The following PGM1 variants were observed in gnomAD, a reference collection of about 807,000 sequenced individuals.
PGM1 encodes the protein phosphoglucomutase-1.
In PGM1, 52 loss-of-function variants were observed where a neutral mutation model predicts 55.6. That is an observed-to-expected ratio of 0.94 (90% CI 0.75 to 1.18). The LOEUF is 1.18. Among genes scored for constraint, PGM1 ranks in the 50% most tolerant of loss-of-function variants. The probability of loss-of-function intolerance (pLI) is 0.00; values close to 1 mark genes in which losing one functional copy is unlikely to be tolerated. For missense variants in PGM1, 724 were observed against 729.3 expected (o/e 0.99, Z 0.08); for synonymous variants, 287 against 271.7 (o/e 1.06, Z -0.55).
Position 63,604,959 on chromosome 1 carries a change from G to GTT in PGM1, c.246+11226_246+11227insTT, listed in dbSNP as rs58900430. 8.6e-3 allele frequency among the ~76,000 whole-genome samples: 1,155 copies of GTT among 134,278 alleles called. 22 individuals carry two copies. The highest frequency in any genetic ancestry group is 0.03 in the African/African-American group (960 of 32,270). The allele number at this position is 134,278 out of a possible 152,430, so 88.1% of individuals were successfully genotyped here. On this transcript the variant is annotated intron_variant, in intron 1 of 10. Coordinates refer to ENST00000371084, the MANE Select transcript of PGM1 (RefSeq NM_002633.3). ...TGTGTGTGTGTGTGTGTGTGTGTGT[G>GTT]TAAAGAGAGGGGATATAGTTGTATA...
At chr1:63,617,291 C>A (rs1266533879) in intron 1 of PGM1, among the ~76,000 whole-genome samples, 2 of 152,086 alleles carry the variant, frequency 1.3e-5, no homozygotes, top group Non-Finnish European at 2.9e-5. Context: ...TACTACGGAG[C>A]CCTGGTCAGC....
At chr1:63,623,232 C>A in intron 1 of PGM1, 1 of 1,376,412 alleles carries the variant, frequency 7.3e-7, no homozygotes, top group Non-Finnish European at 9.4e-7. Context: ...ACTTTGAAGA[C>A]CTGCTTTGTG....
At chr1:63,614,197 C>G (rs1449700784) in intron 1 of PGM1, among the ~76,000 whole-genome samples, 2 of 152,160 alleles carry the variant, frequency 1.3e-5, no homozygotes, top group Non-Finnish European at 2.9e-5. Flanking sequence ...TTCTGTTTTA[C>G]AGATGCAGAA....
At chr1:63,634,718 T>C (rs1283050214) in intron 4 of PGM1, 111 bp from the exon 5 acceptor site, 1 of 846,800 alleles carries the variant, frequency 1.2e-6, no homozygotes, top group African/African-American at 1.7e-5. Flanking sequence ...TCCTGTTGTT[T>C]CTCATGCCAT....
chr1:63,658,822 G>T (rs550432643), intron 10 of PGM1, among the ~76,000 whole-genome samples: 1 of 151,996 alleles, frequency 6.6e-6, no homozygotes, highest in Non-Finnish European at 1.5e-5. Flanking sequence ...CCTGAGACTG[G>T]GCAATTTACA....
intron 7 of PGM1, among the ~76,000 whole-genome samples, chr1:63,640,738 C>A (rs1649493286): frequency 6.6e-6 from 1 of 152,126 alleles, no homozygotes; most frequent in Non-Finnish European, 1.5e-5. Context: ...ATACAAGAAG[C>A]AGCTCTCAGG....
intron 7 of PGM1, among the ~76,000 whole-genome samples, chr1:63,641,460 T>TGC (rs1289173925): frequency 6.6e-6 from 1 of 152,216 alleles, no homozygotes; most frequent in Non-Finnish European, 1.5e-5. Context: ...CCACGCCCCT[T>TGC]GCTAGTGAAT....
intron 6 of PGM1, among the ~76,000 whole-genome samples, chr1:63,636,742 A>AAC (rs368631554): frequency 2.6e-4 from 40 of 152,016 alleles, no homozygotes; most frequent in African/African-American, 5.8e-4. Flanking sequence ...TAGTAGGACA[A>AAC]ACACACACAC....
In PGM1 at chr1:63,594,591, C is replaced by T. The variant is rs12080496; in HGVS notation, c.246+857C>T. ...AGGAAAGTTAACTGACTTGATTGGG[C>T]GGGTCCACTCGGATAGGGGAAATTA... On this transcript the variant is annotated intron_variant, in intron 1 of 10. Transcript: ENST00000371084. 3.4e-3 allele frequency among the ~76,000 whole-genome samples: 506 copies of T among 150,786 alleles called. 3 individuals are homozygous for T. The highest frequency in any genetic ancestry group is 4.7e-3 in the Non-Finnish European group (322 of 67,848).
chr1:63,596,320 G>C (rs575431516), intron 1 of PGM1, among the ~76,000 whole-genome samples: 1 of 141,640 alleles, frequency 7.1e-6, no homozygotes, highest in South Asian at 2.3e-4. Context: ...GTGCAGTGGC[G>C]CAATCAGCTC....
intron 8 of PGM1, among the ~76,000 whole-genome samples, chr1:63,650,785 A>T (rs1344436837): frequency 1.3e-5 from 2 of 152,178 alleles, no homozygotes; most frequent in Non-Finnish European, 2.9e-5. Context: ...TTCATTTGTG[A>T]TGCACTTTTT....
intron 1 of PGM1, chr1:63,623,764 G>T: frequency 6.3e-7 from 1 of 1,598,230 alleles, no homozygotes; most frequent in Non-Finnish European, 8.6e-7. Flanking sequence ...CAATGGGGTG[G>T]GTATATGATA....
chr1:63,627,813 A>G (rs1649076854), intron 1 of PGM1, among the ~76,000 whole-genome samples: 1 of 152,242 alleles, frequency 6.6e-6, no homozygotes, highest in Non-Finnish European at 1.5e-5. Flanking sequence ...AACCCCTCCT[A>G]TGGACATTCT....
intron 1 of PGM1, 99 bp downstream of exon 1, chr1:63,593,833 G>T (rs1280710227): frequency 1.5e-6 from 2 of 1,313,578 alleles, no homozygotes; most frequent in Non-Finnish European, 1.9e-6. Context: ...GCTTCCGCGC[G>T]CTGCCGCCTC....
chr1:63,611,144 T>C (rs1648553901), intron 1 of PGM1, among the ~76,000 whole-genome samples: 1 of 152,104 alleles, frequency 6.6e-6, no homozygotes, highest in Non-Finnish European at 1.5e-5. Flanking sequence ...CATTGCAATA[T>C]AGTGTGAGAA....
chr1:63,617,053 C>G (rs1480693812), intron 1 of PGM1, among the ~76,000 whole-genome samples: 1 of 152,204 alleles, frequency 6.6e-6, no homozygotes, highest in Non-Finnish European at 1.5e-5. Flanking sequence ...CAAATCTATG[C>G]AGTAGCTACC....
At chr1:63,647,254 TTTTACATATATATATATATATA>T (rs1223027083) in intron 7 of PGM1, among the ~76,000 whole-genome samples, 17 of 47,278 alleles carry the variant, frequency 3.6e-4, no homozygotes, top group African/African-American at 1.1e-3. Flanking sequence ...AAAAATAAAA[TTTTACATATATATATATATATA>T]TATATATATA....
chr1:63,627,671 A>G (rs1649072801), intron 1 of PGM1, among the ~76,000 whole-genome samples: 1 of 152,116 alleles, frequency 6.6e-6, no homozygotes. Context: ...TCTCACCATA[A>G]GGAATGGTAG....
At chr1:63,642,944 C>T (rs999952405) in intron 7 of PGM1, among the ~76,000 whole-genome samples, 2 of 152,154 alleles carry the variant, frequency 1.3e-5, no homozygotes, top group Non-Finnish European at 2.9e-5. Context: ...ACATGGTGAA[C>T]AAGGCCTTCT....
Sources: gnomAD v4.1 joint callset for allele counts (sites outside exome capture counted in the v4.1 genomes callset) on GRCh38, gnomAD v4.1.1 for gene constraint, MANE v1.5 for transcripts, NCBI Gene and HGNC (gene_info 2026-07-23, HGNC 2026-07-21) for gene names.